PCBP3: variants seen among roughly 807,000 people sequenced by gnomAD.
PCBP3 encodes the protein poly(rC)-binding protein 3.
PCBP3 carries 25 observed loss-of-function variants against 52.7 expected under a neutral mutation model. The observed-to-expected ratio is 0.47, with a 90% confidence interval of 0.35 to 0.66. The LOEUF is 0.66. Ranked by LOEUF, PCBP3 falls within the 30% of genes least tolerant of loss-of-function variation. The pLI, the probability that PCBP3 is intolerant of heterozygous loss-of-function variation, is 0.01. For missense variants in PCBP3, 391 were observed against 490.3 expected (o/e 0.80, Z 1.91); for synonymous variants, 162 against 183.0 (o/e 0.89, Z 0.93).
chr21:45,857,176 G>C (rs987362657), intron 5 of PCBP3, among the ~76,000 whole-genome samples: 1 of 152,182 alleles, frequency 6.6e-6, no homozygotes, highest in Non-Finnish European at 1.5e-5. Flanking sequence ...AGATGCAAAT[G>C]TTCCCCCACA....
rs554172346 is a variant in PCBP3 at position 45,839,393 on chromosome 21, T to G, written c.-125-10568T>G. 2.6e-5 allele frequency among the ~76,000 whole-genome samples: 4 copies of G among 152,354 alleles called. No homozygotes were observed. The South Asian group carries it at 8.3e-4, about 32-fold the overall frequency. Reference sequence around the variant, plus strand: ...TTAGTCCTAGTTCAGTAGTTAAATGTGTTTGACACTTACCACCATACCTTA... The same window carrying G: ...TTAGTCCTAGTTCAGTAGTTAAATGGGTTTGACACTTACCACCATACCTTA... On this transcript the variant is annotated intron_variant, in intron 4 of 17. Transcript: ENST00000681687.
chr21:45,909,374 G>A lies in PCBP3; in HGVS notation c.359G>A (p.Ser120Asn), dbSNP rs749991122. 2.5e-6 allele frequency: 4 copies of A among 1,612,936 alleles called. No individual in the cohort carries two copies. The highest frequency in any genetic ancestry group is 3.4e-6 in the Non-Finnish European group (4 of 1,179,702). ...KFEEDIINSM[S>N]NSPATSKPPV... ...CCCTAGGATATCATCAACTCCATGAGCAACAGCCCTGCCACCAGCAAGCCC... is the reference window on the plus strand; with the variant it reads ...CCCTAGGATATCATCAACTCCATGAACAACAGCCCTGCCACCAGCAAGCCC... The change falls in exon 10 of 18, where the codon AGC becomes AAC. Residue 120 changes from serine to asparagine, a missense_variant. By Grantham distance (46) the Ser-to-Asn change is conservative. Transcript: ENST00000681687.
chr21:45,911,619 A>T (rs1452217331), intron 11 of PCBP3, among the ~76,000 whole-genome samples: 3 of 152,000 alleles, frequency 2.0e-5, no homozygotes, highest in Non-Finnish European at 4.4e-5. Flanking sequence ...GGAGGAAAAA[A>T]CTCAGAAGTA....
Position 45,656,367 on chromosome 21 carries a change from A to G in PCBP3, c.-279+12499A>G, listed in dbSNP as rs1338811984. ...AGGGACATGGATGAAGCTGGAAACC[A>G]TCATTCTCAGCAAACTAACACAAGA... On this transcript the variant is annotated intron_variant, in intron 1 of 17. Transcript: ENST00000681687. This position sits in a 1 kb window ranked among gnomAD's most constrained non-coding sequence, Gnocchi z 4.3. 6.6e-6 allele frequency among the ~76,000 whole-genome samples: 1 copy of G among 152,212 alleles called. No individual in the cohort carries two copies. Among genetic ancestry groups the G allele is most frequent in the Non-Finnish European group, 1.5e-5 (1 of 68,034 alleles).
intron 5 of PCBP3, among the ~76,000 whole-genome samples, chr21:45,885,986 CCTT>C (rs1366802143): frequency 1.3e-5 from 2 of 152,248 alleles, no homozygotes; most frequent in African/African-American, 2.4e-5. Context: ...GTTATATAAA[CCTT>C]CTGTTTAGCT....
chr21:45,657,066 C>T (rs912098533), intron 1 of PCBP3, among the ~76,000 whole-genome samples: 1 of 152,210 alleles, frequency 6.6e-6, no homozygotes, highest in Non-Finnish European at 1.5e-5. Flanking sequence ...CGTGATCCAC[C>T]TGCCTCGGCC....
chr21:45,683,527 T>C (rs1426063989), intron 2 of PCBP3, among the ~76,000 whole-genome samples: 1 of 152,118 alleles, frequency 6.6e-6, no homozygotes, highest in Non-Finnish European at 1.5e-5. Flanking sequence ...CATAGACAAA[T>C]ATGTATAATA....
In PCBP3 at chr21:45,941,640, C is replaced by T. The variant is rs746529761; in HGVS notation, c.1080-30C>T. On this transcript the variant is annotated intron_variant, in intron 17 of 17. Coordinates refer to ENST00000681687, the MANE Select transcript of PCBP3 (RefSeq NM_001384156.1). ...TGATGAGGGCGTTGGTTGTGACCGT[C>T]TCTCCCTCTCCTGCCTTTGTCTGTT... 3.1e-6 allele frequency: 5 copies of T among 1,598,622 alleles called. No homozygotes were observed. In the African/African-American group the frequency reaches 5.4e-5, roughly 17 times the overall value.
intron 4 of PCBP3, among the ~76,000 whole-genome samples, chr21:45,797,691 CGAGTGCATGGATCCACAG>C (rs2092020715): frequency 3.1e-3 from 19 of 6,080 alleles, no homozygotes; most frequent in East Asian, 0.019. Flanking sequence ...CATAGATGGA[CGAGTGCATGGATCCACAG>C]AGAGTGAATG....
intron 5 of PCBP3, chr21:45,859,723 C>A (rs544710190): frequency 6.6e-6 from 1 of 152,338 alleles, no homozygotes; most frequent in South Asian, 2.1e-4. Context: ...GCACTGAGTG[C>A]GCCTTTGGGG....
intron 4 of PCBP3, among the ~76,000 whole-genome samples, chr21:45,815,409 G>A (rs1603442077): frequency 9.6e-6 from 1 of 103,792 alleles, no homozygotes; most frequent in Admixed American, 9.0e-5. Flanking sequence ...TGAGTGAGTG[G>A]TGAGTGATGA....
rs2085995197 is a variant in PCBP3 at position 45,737,755 on chromosome 21, A to G, written c.-162+2326A>G. 6.6e-6 allele frequency among the ~76,000 whole-genome samples: 1 copy of G among 152,144 alleles called. No individual in the cohort carries two copies. Among genetic ancestry groups the G allele is most frequent in the Non-Finnish European group, 1.5e-5 (1 of 68,016 alleles). ...CCTGTGGCCTCTTCTGCTGGTGGGA[A>G]TGGAGGTGCCATGAGCACTGAGCTG... On this transcript the variant is annotated intron_variant, in intron 3 of 17. Coordinates refer to ENST00000681687, the MANE Select transcript of PCBP3 (RefSeq NM_001384156.1). This position sits in a 1 kb window ranked among gnomAD's most constrained non-coding sequence, Gnocchi z 4.9.
Position 45,801,256 on chromosome 21 carries a change from G to A in PCBP3, c.-126+45804G>A, listed in dbSNP as rs574914593. Among the ~76,000 whole-genome samples, 4 of 152,356 alleles carry A rather than the reference G, an allele frequency of 2.6e-5. No individual in the cohort carries two copies. The South Asian group carries it at 6.2e-4, about 24-fold the overall frequency. On this transcript the variant is annotated intron_variant, in intron 4 of 17. Transcript: ENST00000681687. ...GGCCAGCCTTGTGGGGACCCTGGCT[G>A]CTAGCCTTGCCTTAGCTGCTCCTCT...
At chr21:45,871,202 A>AC in intron 5 of PCBP3, 1 of 157,364 alleles carries the variant, frequency 6.4e-6, no homozygotes, top group African/African-American at 2.6e-5. Flanking sequence ...AGAGACAGGC[A>AC]CCCCCCAGGG....
In PCBP3 at chr21:45,901,126, C is replaced by T. The variant is rs2096023068; in HGVS notation, c.339+13C>T. On this transcript the variant is annotated intron_variant, in intron 9 of 17. Transcript: ENST00000681687. Reference sequence around the variant, plus strand: ...CAAGTTTGAGGAGGTAACCTGCACCCCAGGCACCTCTGCCAGCCTGGCGGG... The same window carrying T: ...CAAGTTTGAGGAGGTAACCTGCACCTCAGGCACCTCTGCCAGCCTGGCGGG... The T allele has an allele frequency of 1.9e-6, 3 of 1,565,122 alleles. No homozygotes were observed. The highest frequency in any genetic ancestry group is 1.8e-6 in the Non-Finnish European group (2 of 1,136,172).
intron 2 of PCBP3, among the ~76,000 whole-genome samples, chr21:45,703,708 C>T (rs2083273691): frequency 6.6e-6 from 1 of 152,210 alleles, no homozygotes; most frequent in African/African-American, 2.4e-5. Flanking sequence ...GGAGCACATT[C>T]ATCAGGTAGG....
intron 1 of PCBP3, among the ~76,000 whole-genome samples, chr21:45,646,129 G>C: frequency 6.8e-6 from 1 of 146,148 alleles, no homozygotes; most frequent in African/African-American, 2.5e-5. Context: ...GTGTGTGTGT[G>C]TGTGTGTGTG....
Position 45,818,618 on chromosome 21 carries a change from T to C in PCBP3, c.-125-31343T>C, listed in dbSNP as rs879382531. ...CAAGTGGTTGCATCACTTTGCAAACTAAAATCTCTCTAACCGTGAGATCTA... is the reference window on the plus strand; with the variant it reads ...CAAGTGGTTGCATCACTTTGCAAACCAAAATCTCTCTAACCGTGAGATCTA... On this transcript the variant is annotated intron_variant, in intron 4 of 17. Coordinates refer to ENST00000681687, the MANE Select transcript of PCBP3 (RefSeq NM_001384156.1). Among the ~76,000 whole-genome samples, 30 of 152,358 alleles carry C rather than the reference T, an allele frequency of 2.0e-4. 1 individual carries two copies. Among genetic ancestry groups the C allele is most frequent in the Middle Eastern group, 3.4e-3 (1 of 294 alleles).
At chr21:45,823,786 G>C (rs1192614943) in intron 4 of PCBP3, among the ~76,000 whole-genome samples, 1 of 151,946 alleles carries the variant, frequency 6.6e-6, no homozygotes, top group Non-Finnish European at 1.5e-5. Context: ...CTGTCGCCCA[G>C]TTTGGAGTGC....
Sources: allele counts gnomAD v4.1 joint callset (sites outside exome capture counted in the v4.1 genomes callset), GRCh38; gene constraint gnomAD v4.1.1; non-coding constraint Gnocchi (gnomAD v3.1); transcripts MANE v1.5; gene names NCBI Gene and HGNC (gene_info 2026-07-23, HGNC 2026-07-21).